The following METTL15 variants were observed in gnomAD, a reference collection of about 807,000 sequenced individuals.
The protein encoded by METTL15 is 12S rRNA N(4)-cytidine methyltransferase METTL15.
METTL15 carries 34 observed loss-of-function variants against 38.3 expected under a neutral mutation model. That is an observed-to-expected ratio of 0.89 (90% CI 0.68 to 1.18). METTL15 has a LOEUF of 1.18. Ranked by LOEUF, METTL15 falls within the 50% of genes most tolerant of loss-of-function variation. The pLI is 0.00. For missense variants in METTL15, 438 were observed against 498.4 expected (o/e 0.88, Z 1.15); for synonymous variants, 162 against 170.9 (o/e 0.95, Z 0.41).
chr11:28,395,681 G>A (rs1211345497), intron 5 of METTL15, among the ~76,000 whole-genome samples: 1 of 152,128 alleles, frequency 6.6e-6, no homozygotes, highest in East Asian at 1.9e-4. Context: ...AGAGGAGCTG[G>A]TACCATTCCT....
At chr11:28,132,169 T>G (rs1030108548) in intron 3 of METTL15, among the ~76,000 whole-genome samples, 1 of 152,174 alleles carries the variant, frequency 6.6e-6, no homozygotes, top group South Asian at 2.1e-4. Context: ...TTGTTATGCT[T>G]CTTGGGTCTC....
chr11:28,360,024 A>G (rs564135185), intron 4 of METTL15, among the ~76,000 whole-genome samples: 2 of 152,290 alleles, frequency 1.3e-5, no homozygotes, highest in East Asian at 3.9e-4. Flanking sequence ...CCAACCCCTC[A>G]GGAGAGAGAA....
chr11:28,463,678 T>C (rs901470339), intron 6 of METTL15, among the ~76,000 whole-genome samples: 2 of 151,786 alleles, frequency 1.3e-5, no homozygotes, highest in Non-Finnish European at 2.9e-5. Flanking sequence ...TTATACTGTA[T>C]TAACAAGCAA....
intron 6 of METTL15, among the ~76,000 whole-genome samples, chr11:28,525,417 A>G (rs1255671657): frequency 6.6e-6 from 1 of 152,138 alleles, no homozygotes; most frequent in Non-Finnish European, 1.5e-5. Context: ...TAATTGATGT[A>G]TTTACAAACC....
At position 28,389,893 on chromosome 11, in the gene METTL15, G is replaced by C. The variant is rs1411622136; in HGVS notation, c.*358+27857G>C. On this transcript the variant is annotated intron_variant and NMD_transcript_variant, in intron 5 of 7. Transcript: ENST00000532947. ...TTTCTCCACATCCTCTCCAGCACCT[G>C]TTGTTTCCTGACTTTTTAATGATTG... is the stretch of plus-strand genomic sequence containing the variant. 4.3e-4 allele frequency among the ~76,000 whole-genome samples: 65 copies of C among 151,788 alleles called. 1 individual carries two copies.
At position 28,246,645 on chromosome 11, in the gene METTL15, A is replaced by G. The variant is rs555155728; in HGVS notation, c.407+35447A>G. Among the ~76,000 whole-genome samples the G allele has an allele frequency of 2.0e-5, 3 of 152,242 alleles. No individual in the cohort carries two copies. The East Asian group carries it at 5.8e-4, about 29-fold the overall frequency. ...ATAGAATTGCAGTTCTAGCTACTAT[A>G]TTGCTATTACCATGACAACAAGGGA... is the stretch of plus-strand genomic sequence containing the variant. On this transcript the variant is annotated intron_variant, in intron 4 of 6. Coordinates refer to ENST00000407364, the MANE Select transcript of METTL15 (RefSeq NM_001113528.2).
intron 4 of METTL15, among the ~76,000 whole-genome samples, chr11:28,287,914 C>G (rs1256962984): frequency 6.7e-6 from 1 of 149,964 alleles, no homozygotes; most frequent in East Asian, 1.9e-4. Flanking sequence ...TCTCACAGCC[C>G]CTGGTTTTGC....
chr11:28,334,923 G>T (rs1213033911), downstream of METTL15, among the ~76,000 whole-genome samples: 1 of 152,080 alleles, frequency 6.6e-6, no homozygotes, highest in Non-Finnish European at 1.5e-5. Context: ...AGGCAACAAA[G>T]TAAAGAAAAT....
intron 5 of METTL15, among the ~76,000 whole-genome samples, chr11:28,363,904 G>A (rs752264634): frequency 1.3e-5 from 2 of 152,150 alleles, no homozygotes; most frequent in Non-Finnish European, 2.9e-5. Flanking sequence ...CATATGTCTA[G>A]CCAGTTATCC....
At chr11:28,467,498 C>T (rs550687649) in intron 6 of METTL15, among the ~76,000 whole-genome samples, 46 of 152,294 alleles carry the variant, frequency 3.0e-4, no homozygotes, top group Admixed American at 2.6e-3. Flanking sequence ...AACTTATTCT[C>T]AACTGCTCAC....
intron 3 of METTL15, among the ~76,000 whole-genome samples, chr11:28,345,831 G>T (rs2133357613): frequency 6.6e-6 from 1 of 152,208 alleles, no homozygotes; most frequent in East Asian, 1.9e-4. Flanking sequence ...TTTCACATTA[G>T]AATTAAAAGA....
chr11:28,356,050 G>A (rs1238276902), intron 4 of METTL15, among the ~76,000 whole-genome samples: 1 of 152,078 alleles, frequency 6.6e-6, no homozygotes, highest in Non-Finnish European at 1.5e-5. Flanking sequence ...TAACCACTAG[G>A]CTACTAGGGA....
At chr11:28,292,643 T>C (rs993297434) in intron 5 of METTL15, among the ~76,000 whole-genome samples, 5 of 152,096 alleles carry the variant, frequency 3.3e-5, no homozygotes, top group South Asian at 2.1e-4. Flanking sequence ...CACTGACTTC[T>C]AAAATGGTTG....
intron 3 of METTL15, chr11:28,125,662 G>A (rs1255454655): frequency 2.0e-5 from 3 of 151,968 alleles, no homozygotes; most frequent in Non-Finnish European, 2.9e-5. Context: ...TAATTTATTG[G>A]TTAAATAAGG....
At chr11:28,471,336 G>A (rs962946112) in intron 6 of METTL15, among the ~76,000 whole-genome samples, 13 of 152,090 alleles carry the variant, frequency 8.5e-5, no homozygotes, top group Admixed American at 5.9e-4. Flanking sequence ...GGAAAGGATC[G>A]CATGAATGCA....
intron 6 of METTL15, among the ~76,000 whole-genome samples, chr11:28,317,403 G>A (rs1857517147): frequency 6.6e-6 from 1 of 152,028 alleles, no homozygotes; most frequent in Non-Finnish European, 1.5e-5. Context: ...TTGCGTCACC[G>A]AGACTTATTA....
At chr11:28,357,151 T>C (rs1850097552) in intron 4 of METTL15, among the ~76,000 whole-genome samples, 2 of 152,228 alleles carry the variant, frequency 1.3e-5, no homozygotes, top group African/African-American at 4.8e-5. Context: ...GTAAGGCTGA[T>C]AGAGTAGACT....
At chr11:28,452,662 G>A (rs539402669) in intron 6 of METTL15, among the ~76,000 whole-genome samples, 4 of 152,216 alleles carry the variant, frequency 2.6e-5, no homozygotes, top group East Asian at 1.9e-4. Flanking sequence ...ATGATGCCAC[G>A]TCAGAGATTC....
intron 6 of METTL15, among the ~76,000 whole-genome samples, chr11:28,458,653 G>A (rs1434408706): frequency 1.3e-5 from 2 of 152,130 alleles, no homozygotes; most frequent in African/African-American, 4.8e-5. Flanking sequence ...GGAAATCCTG[G>A]ACTACTCTTC....
Sources: allele counts gnomAD v4.1 joint callset (sites outside exome capture counted in the v4.1 genomes callset), GRCh38; gene constraint gnomAD v4.1.1; transcripts MANE v1.5; gene names NCBI Gene and HGNC (gene_info 2026-07-23, HGNC 2026-07-21).